DOCK2: variants seen among roughly 807,000 people sequenced by gnomAD.
DOCK2 encodes dedicator of cytokinesis 2, also known as dedicator of cytokinesis protein 2.
Under a neutral mutation model 248.9 loss-of-function variants are expected in DOCK2, and 87 were observed. The observed-to-expected ratio is 0.35, with a 90% CI of 0.29 to 0.42. The LOEUF (loss-of-function observed/expected upper bound fraction) is 0.42, where lower values mean the gene tolerates loss of function less well. DOCK2 is among the 10% of genes least tolerant of loss of function. The pLI is 1.00. For synonymous variants in DOCK2, 805 were observed against 821.6 expected, an observed-to-expected ratio of 0.98 and a Z score of 0.35; for missense variants, 1,747 against 2,300.2, an observed-to-expected ratio of 0.76 and a Z score of 4.92.
intron 27 of DOCK2, among the ~76,000 whole-genome samples, chr5:169,855,607 G>A (rs1770847923): frequency 6.6e-6 from 1 of 152,196 alleles, no homozygotes; most frequent in Non-Finnish European, 1.5e-5. Context: ...AGGCAGCTGT[G>A]AGGGGGTGGA....
intron 9 of DOCK2, among the ~76,000 whole-genome samples, chr5:169,689,770 C>T (rs1760187859): frequency 6.6e-6 from 1 of 152,170 alleles, no homozygotes; most frequent in Non-Finnish European, 1.5e-5. Flanking sequence ...AGAATATTGA[C>T]TGCCTTGGTA....
intron 25 of DOCK2, among the ~76,000 whole-genome samples, chr5:169,787,440 G>A (rs1330422081): frequency 6.6e-6 from 1 of 152,120 alleles, no homozygotes; most frequent in Non-Finnish European, 1.5e-5. Flanking sequence ...AGAAAATCCT[G>A]TCCCCCAGCT....
intron 25 of DOCK2, among the ~76,000 whole-genome samples, chr5:169,779,995 G>A (rs1399018262): frequency 6.6e-6 from 1 of 152,280 alleles, no homozygotes; most frequent in Middle Eastern, 3.4e-3. Flanking sequence ...GGTCACCGAA[G>A]CAGTAAGGCA....
At chr5:170,049,669 C>A (rs1756845727) in intron 40 of DOCK2, among the ~76,000 whole-genome samples, 1 of 152,146 alleles carries the variant, frequency 6.6e-6, no homozygotes, top group African/African-American at 2.4e-5. Context: ...TAACCACTAC[C>A]CCGTAGGTTC....
intron 34 of DOCK2, among the ~76,000 whole-genome samples, chr5:170,032,336 T>C (rs901862367): frequency 1.8e-4 from 28 of 152,182 alleles, no homozygotes; most frequent in African/African-American, 4.8e-4. Flanking sequence ...CCAGTTGTTC[T>C]TAATGTTAGT....
chr5:169,982,009 T>C lies in DOCK2; in HGVS notation c.2800-1059T>C, dbSNP rs141463334. 3.6e-3 allele frequency among the ~76,000 whole-genome samples: 547 copies of C among 152,232 alleles called. 2 individuals carry two copies. Among genetic ancestry groups the C allele is most frequent in the African/African-American group, 0.013 (523 of 41,524 alleles). On this transcript the variant is annotated intron_variant, in intron 27 of 51. Coordinates refer to ENST00000520908, the MANE Select transcript of DOCK2 (RefSeq NM_004946.3). ...CCTGTATATATTTCATATTTGTTAT[T>C]TTATTAACAAAAGAGGAACTTTTTT...
At chr5:170,062,688 GACAT>G (rs1757373546) in intron 44 of DOCK2, among the ~76,000 whole-genome samples, 1 of 152,184 alleles carries the variant, frequency 6.6e-6, no homozygotes, top group Non-Finnish European at 1.5e-5. Flanking sequence ...CGCAGAGTTA[GACAT>G]ATGCAAGTCT....
intron 25 of DOCK2, among the ~76,000 whole-genome samples, chr5:169,779,032 T>G (rs536813582): frequency 6.6e-6 from 1 of 152,310 alleles, no homozygotes; most frequent in Non-Finnish European, 1.5e-5. Flanking sequence ...AGGCCACGTG[T>G]GGGTGGGGAC....
chr5:169,747,415 C>G lies in DOCK2; in HGVS notation c.2287C>G (p.Gln763Glu). 1 of 1,613,208 alleles carries G rather than the reference C, an allele frequency of 6.2e-7. No individual in the cohort carries two copies. The highest frequency in any genetic ancestry group is 8.5e-7 in the Non-Finnish European group (1 of 1,179,616). The change falls in exon 23 of 52, where the codon CAG becomes GAG. Residue 763 changes from glutamine (Q) to glutamate (E), a missense_variant. Physicochemically the swap from Gln to Glu is conservative, Grantham distance 29 (BLOSUM62 2). Around this residue, in one of 4 missense-constraint regions of DOCK2, gnomAD observed 858 missense variants for 1,183.5 expected, o/e 0.72. Coordinates refer to ENST00000520908, the MANE Select transcript of DOCK2 (RefSeq NM_004946.3). ...LFSQLYEGKE[Q>E]MEFEESMRRL... is the part of the protein sequence containing the mutation. ...TTTCAGGCTTTATGAAGGCAAAGAA[C>G]AGATGGAGTTTGAAGAATCCATGAG...
intron 27 of DOCK2, 131 bp from the exon 28 acceptor site, chr5:169,982,937 A>G: frequency 1.2e-6 from 1 of 813,702 alleles, no homozygotes; most frequent in Non-Finnish European, 2.0e-6. Context: ...CTGCTATTAC[A>G]GTCCCAGGCA....
At chr5:169,645,374 A>G (rs1435405474) in intron 1 of DOCK2, among the ~76,000 whole-genome samples, 1 of 152,180 alleles carries the variant, frequency 6.6e-6, no homozygotes, top group Non-Finnish European at 1.5e-5. Flanking sequence ...TCAGATGATC[A>G]GTGGTGTTGA....
At chr5:169,843,366 C>CA (rs1013140141) in intron 27 of DOCK2, among the ~76,000 whole-genome samples, 63 of 151,970 alleles carry the variant, frequency 4.1e-4, no homozygotes, top group African/African-American at 1.5e-3. Context: ...TACTAAAATA[C>CA]AAAAAATTAG....
chr5:170,019,199 C>A, intron 33 of DOCK2, 91 bp downstream of exon 33: 2 of 1,581,096 alleles, frequency 1.3e-6, no homozygotes, highest in South Asian at 1.2e-5. Flanking sequence ...CCCTGAGCTT[C>A]ATTGAGAGGC....
chr5:169,997,704 G>A (rs566955969), intron 30 of DOCK2, among the ~76,000 whole-genome samples: 15 of 150,620 alleles, frequency 1.0e-4, no homozygotes, highest in African/African-American at 3.7e-4. Context: ...GAGAGCACGG[G>A]GTTGGGGGTA....
intron 29 of DOCK2, among the ~76,000 whole-genome samples, chr5:169,986,402 A>T (rs532222611): frequency 1.3e-5 from 2 of 152,256 alleles, no homozygotes; most frequent in East Asian, 1.9e-4. Flanking sequence ...TTGCCCATCC[A>T]TTTGCACATA....
intron 7 of DOCK2, among the ~76,000 whole-genome samples, chr5:169,682,957 T>C (rs1035779879): frequency 5.9e-5 from 9 of 152,230 alleles, no homozygotes; most frequent in African/African-American, 2.2e-4. Context: ...GTTGTGCATA[T>C]TAACATTTTG....
Position 169,867,993 on chromosome 5 carries a change from T to G in DOCK2, c.2799+27141T>G, listed in dbSNP as rs1771699952. Among the ~76,000 whole-genome samples, 10 of 152,336 alleles carry G rather than the reference T, an allele frequency of 6.6e-5. No individual in the cohort carries two copies. In the South Asian group the frequency reaches 2.1e-3, roughly 32 times the overall value. Reference sequence around the variant, plus strand: ...GGAACATCTATATTCACAATGCTCCTAGCTCCTGAAATAGCCCTGCCCTCC... The same window carrying G: ...GGAACATCTATATTCACAATGCTCCGAGCTCCTGAAATAGCCCTGCCCTCC... On this transcript the variant is annotated intron_variant, in intron 27 of 51. Transcript: ENST00000520908.
intron 25 of DOCK2, among the ~76,000 whole-genome samples, chr5:169,783,830 C>T (rs1765840029): frequency 6.6e-6 from 1 of 152,148 alleles, no homozygotes; most frequent in Admixed American, 6.5e-5. Flanking sequence ...CCAGTTCTTT[C>T]CAATAAGCAA....
chr5:169,694,812 T>C (rs1760518797), intron 9 of DOCK2, among the ~76,000 whole-genome samples: 1 of 151,650 alleles, frequency 6.6e-6, no homozygotes, highest in African/African-American at 2.4e-5. Context: ...AGACCCCATC[T>C]CTTAAAAAAA....
Sources: gnomAD v4.1 joint callset for allele counts (sites outside exome capture counted in the v4.1 genomes callset) on GRCh38, gnomAD v4.1.1 for gene constraint, gnomAD v4.1.1 regional missense constraint, MANE v1.5 for transcripts, NCBI Gene and HGNC (gene_info 2026-07-23, HGNC 2026-07-21) for gene names.